LARGE1: variants seen among roughly 807,000 people sequenced by gnomAD.
The protein encoded by LARGE1 is xylosyl- and glucuronyltransferase LARGE1.
A neutral mutation model predicts 87.6 loss-of-function variants in LARGE1; 43 were observed. That is an observed-to-expected ratio of 0.49 (90% CI 0.38 to 0.63). LARGE1 has a LOEUF of 0.63. Among genes scored for constraint, LARGE1 ranks in the 30% least tolerant of loss-of-function variants. The pLI, the probability that LARGE1 is intolerant of heterozygous loss-of-function variation, is 0.00. For missense variants in LARGE1, 802 were observed against 1,000.2 expected, an observed-to-expected ratio of 0.80 and a Z score of 2.67; for synonymous variants, 434 against 394.6, an observed-to-expected ratio of 1.10 and a Z score of -1.18.
At chr22:33,355,959 A>G (rs142356715) in intron 9 of LARGE1, among the ~76,000 whole-genome samples, 294 of 152,256 alleles carry the variant, frequency 1.9e-3, no homozygotes, top group African/African-American at 5.7e-3. Context: ...CAACAAAATC[A>G]ATCAGATTTT....
intron 9 of LARGE1, among the ~76,000 whole-genome samples, chr22:33,357,775 T>G (rs1015046133): frequency 6.6e-6 from 1 of 151,988 alleles, no homozygotes; most frequent in Non-Finnish European, 1.5e-5. Flanking sequence ...GCCCACGCAA[T>G]AAGAGTGAAA....
intron 3 of LARGE1, among the ~76,000 whole-genome samples, chr22:33,644,572 C>A (rs965674415): frequency 9.9e-5 from 15 of 152,098 alleles, no homozygotes; most frequent in Non-Finnish European, 1.2e-4. Flanking sequence ...GGCAATCAAG[C>A]AAGAGAAAGA....
At chr22:33,077,663 G>A in the LARGE1 span, among the ~76,000 whole-genome samples, 7 of 152,162 alleles carry the variant, frequency 4.6e-5, no homozygotes, top group African/African-American at 1.7e-4. Context: ...TTTCCAATCA[G>A]TACAATTAGC....
intron 6 of LARGE1, among the ~76,000 whole-genome samples, chr22:33,542,027 T>C (rs2077225159): frequency 6.6e-6 from 1 of 151,842 alleles, no homozygotes. Flanking sequence ...CTGGGTGTGG[T>C]GGCGGCTGCC....
At chr22:33,241,194 G>C (rs934126265) in intron 11 of LARGE1, among the ~76,000 whole-genome samples, 1 of 151,234 alleles carries the variant, frequency 6.6e-6, no homozygotes, top group African/African-American at 2.4e-5. Flanking sequence ...GGGAGCTACT[G>C]TTAGTTTCTT....
chr22:33,390,490 C>A (rs1268155720), intron 7 of LARGE1, among the ~76,000 whole-genome samples: 1 of 152,104 alleles, frequency 6.6e-6, no homozygotes, highest in African/African-American at 2.4e-5. Flanking sequence ...CCAGCAGAAC[C>A]CATGGGTGGC....
At chr22:33,231,670 CT>C (rs1288814605) in intron 11 of LARGE1, among the ~76,000 whole-genome samples, 1 of 152,162 alleles carries the variant, frequency 6.6e-6, no homozygotes, top group East Asian at 1.9e-4. Flanking sequence ...TACACTGACT[CT>C]CAAAATGTTG....
intron 6 of LARGE1, among the ~76,000 whole-genome samples, chr22:33,522,618 G>T (rs925665991): frequency 4.6e-5 from 7 of 152,068 alleles, no homozygotes; most frequent in Non-Finnish European, 8.8e-5. Flanking sequence ...GGATCATGAG[G>T]TCAGGAGCTC....
rs1928592934 is a variant in LARGE1 at position 33,273,712 on chromosome 22, G to A, written c.*715C>T. The A allele has an allele frequency of 2.5e-6, 1 of 398,700 alleles. No homozygotes were observed. Among genetic ancestry groups the A allele is most frequent in the Non-Finnish European group, 4.4e-6 (1 of 226,650 alleles). The allele number at this position is 398,700 out of a possible 1,614,324, so 24.7% of individuals were successfully genotyped here. On this transcript the variant is annotated 3_prime_UTR_variant, in exon 15 of 15. Coordinates refer to ENST00000397394, the MANE Select transcript of LARGE1 (RefSeq NM_133642.5). ...TCCTTCCTGGGCCACTGCTGATAGA[G>A]GGTGGTTGGTAGAGGCAGCTGATTT... is the stretch of plus-strand genomic sequence containing the variant.
the LARGE1 span, among the ~76,000 whole-genome samples, chr22:33,082,839 C>A: frequency 6.6e-6 from 1 of 152,074 alleles, no homozygotes; most frequent in African/African-American, 2.4e-5. Flanking sequence ...TCCTGGCTAA[C>A]ACGGTGAAAC....
chr22:33,531,234 T>C (rs907749826), intron 6 of LARGE1, among the ~76,000 whole-genome samples: 2 of 152,226 alleles, frequency 1.3e-5, no homozygotes, highest in African/African-American at 4.8e-5. Flanking sequence ...CTCGGCTCAC[T>C]GCAACCTCCT....
the LARGE1 span, among the ~76,000 whole-genome samples, chr22:33,077,295 A>T: frequency 6.6e-6 from 1 of 152,186 alleles, no homozygotes; most frequent in Non-Finnish European, 1.5e-5. Context: ...TACTATTATT[A>T]TTCCCATTAT....
At chr22:33,792,580 G>C (rs2085857971) in intron 1 of LARGE1, among the ~76,000 whole-genome samples, 1 of 152,138 alleles carries the variant, frequency 6.6e-6, no homozygotes, top group African/African-American at 2.4e-5. Context: ...AAACCCCTAA[G>C]AGGGCAGGAT....
intron 1 of LARGE1, among the ~76,000 whole-genome samples, chr22:33,830,544 T>C (rs907634898): frequency 6.6e-6 from 1 of 152,194 alleles, no homozygotes; most frequent in Admixed American, 6.5e-5. Flanking sequence ...TTTCCCTGCC[T>C]CAGTTTCCTC....
At chr22:33,509,556 T>A (rs1481996988) in intron 6 of LARGE1, among the ~76,000 whole-genome samples, 39 of 151,946 alleles carry the variant, frequency 2.6e-4, no homozygotes, top group Non-Finnish European at 2.9e-5. Flanking sequence ...GCTCAAGTGA[T>A]CCTCCCACCC....
At chr22:33,264,813 G>A (rs999174875) in intron 11 of LARGE1, among the ~76,000 whole-genome samples, 2 of 150,804 alleles carry the variant, frequency 1.3e-5, no homozygotes, top group African/African-American at 4.9e-5. Context: ...TCTTCAGCCT[G>A]CTGAGTTCAA....
In LARGE1 at chr22:33,885,664, T is replaced by C. The variant is rs115857842; in HGVS notation, c.-83+34331A>G. Among the ~76,000 whole-genome samples the C allele has an allele frequency of 4.4e-3, 677 of 152,242 alleles. 3 individuals are homozygous for C. Among genetic ancestry groups the C allele is most frequent in the African/African-American group, 0.016 (648 of 41,524 alleles). ...GCAGGCATAAGCAGCTCAGCTACCCTCCGGGAGATGAACCACCCAACCTAC... is the reference window on the plus strand; with the variant it reads ...GCAGGCATAAGCAGCTCAGCTACCCCCCGGGAGATGAACCACCCAACCTAC... On this transcript the variant is annotated intron_variant, in intron 1 of 14. Coordinates refer to ENST00000397394, the MANE Select transcript of LARGE1 (RefSeq NM_133642.5).
At chr22:33,200,235 A>G (rs1924309669) in intron 11 of LARGE1, among the ~76,000 whole-genome samples, 1 of 152,222 alleles carries the variant, frequency 6.6e-6, no homozygotes, top group Admixed American at 6.5e-5. Context: ...AGGGAGAGAC[A>G]GATAAATATA....
At chr22:33,466,725 C>CACACACACACACA (rs1290873508) in intron 6 of LARGE1, among the ~76,000 whole-genome samples, 18 of 151,736 alleles carry the variant, frequency 1.2e-4, no homozygotes, top group African/African-American at 3.9e-4. Flanking sequence ...TACACACACA[C>CACACACACACACA]ACTACACACA....
Sources: allele counts gnomAD v4.1 joint callset (sites outside exome capture counted in the v4.1 genomes callset), GRCh38; gene constraint gnomAD v4.1.1; transcripts MANE v1.5; gene names NCBI Gene and HGNC (gene_info 2026-07-23, HGNC 2026-07-21).